SGK3: variants seen among roughly 807,000 people sequenced by gnomAD.
SGK3 encodes serine/threonine-protein kinase Sgk3.
A neutral mutation model predicts 68.5 loss-of-function variants in SGK3; 47 were observed. The observed-to-expected ratio is 0.69, with a 90% CI of 0.54 to 0.87. The LOEUF is 0.87. Ranked by LOEUF, SGK3 falls within the 40% of genes least tolerant of loss-of-function variation. The probability of loss-of-function intolerance (pLI) is 0.00; values close to 1 mark genes in which losing one functional copy is unlikely to be tolerated. For missense variants in SGK3, 479 were observed against 575.5 expected (o/e 0.83, Z 1.72); for synonymous variants, 181 against 189.1 (o/e 0.96, Z 0.35).
Position 66,760,329 on chromosome 8 carries a change from T to TC in SGK3, c.-121-33286dup, listed in dbSNP as rs1223914638. Among the ~76,000 whole-genome samples, 19 of 142,608 alleles carry TC rather than the reference T, an allele frequency of 1.3e-4. No individual in the cohort carries two copies. In the East Asian group the frequency reaches 3.7e-3, roughly 28 times the overall value. The allele number at this position is 142,608 out of a possible 152,430, so 93.6% of individuals were successfully genotyped here. ...GGCTTACTTTGTTCATTTTCTTTTT[T>TC]CTTTTTTTTTTTTTTTTTTTTTTGA... On this transcript the variant is annotated intron_variant, in intron 1 of 16. Transcript: ENST00000521198.
intron 5 of SGK3, among the ~76,000 whole-genome samples, chr8:66,818,127 A>G (rs796148522): frequency 1.3e-5 from 2 of 152,164 alleles, no homozygotes; most frequent in South Asian, 4.1e-4. Context: ...CTAAAACAGC[A>G]AAAGCAAAAA....
chr8:66,853,369 TATG>T (rs1810371731), intron 16 of SGK3, among the ~76,000 whole-genome samples: 1 of 152,212 alleles, frequency 6.6e-6, no homozygotes, highest in African/African-American at 2.4e-5. Context: ...CATAATAACT[TATG>T]ATTGCATCTG....
At chr8:66,795,139 A>G (rs535832662) in intron 2 of SGK3, among the ~76,000 whole-genome samples, 1 of 152,346 alleles carries the variant, frequency 6.6e-6, no homozygotes, top group East Asian at 1.9e-4. Flanking sequence ...TCCCTGTCAC[A>G]GGGCAGTTGA....
chr8:66,858,643 CCCCA>C (rs1405171690), intron 16 of SGK3, among the ~76,000 whole-genome samples: 2 of 152,026 alleles, frequency 1.3e-5, no homozygotes, highest in African/African-American at 2.4e-5. Flanking sequence ...CTGTCTCCTC[CCCCA>C]ACTCAAAAAG....
chr8:66,850,459 A>G (rs1810233256), intron 15 of SGK3, among the ~76,000 whole-genome samples: 1 of 152,228 alleles, frequency 6.6e-6, no homozygotes, highest in Non-Finnish European at 1.5e-5. Context: ...TCCAGTAATA[A>G]CACTAATTCT....
intron 5 of SGK3, among the ~76,000 whole-genome samples, chr8:66,818,359 A>G (rs932673922): frequency 1.1e-4 from 17 of 152,190 alleles, no homozygotes; most frequent in African/African-American, 3.1e-4. Context: ...GAGAAACTAA[A>G]CATTTCCTTG....
intron 6 of SGK3, among the ~76,000 whole-genome samples, chr8:66,828,081 G>A (rs1809138227): frequency 6.6e-6 from 1 of 151,120 alleles, no homozygotes; most frequent in African/African-American, 2.4e-5. Context: ...CCGAGATCAC[G>A]CCACAGCACT....
chr8:66,785,821 C>A (rs1037377817), intron 1 of SGK3, among the ~76,000 whole-genome samples: 3 of 152,208 alleles, frequency 2.0e-5, no homozygotes, highest in Non-Finnish European at 4.4e-5. Flanking sequence ...TCCATTCTAA[C>A]GAACTTAAGC....
At chr8:66,834,138 T>C (rs1007044557) in intron 8 of SGK3, among the ~76,000 whole-genome samples, 2 of 152,256 alleles carry the variant, frequency 1.3e-5, no homozygotes, top group African/African-American at 4.8e-5. Context: ...CAGGAATGTT[T>C]ATAGCATCAT....
At chr8:66,758,459 CTTAG>C (rs935488392) in intron 1 of SGK3, among the ~76,000 whole-genome samples, 19 of 152,054 alleles carry the variant, frequency 1.2e-4, no homozygotes, top group African/African-American at 4.1e-4. Context: ...TAATATCTGG[CTTAG>C]TAAGTGACCA....
At chr8:66,805,697 T>G (rs1044255009) in intron 4 of SGK3, among the ~76,000 whole-genome samples, 1 of 152,080 alleles carries the variant, frequency 6.6e-6, no homozygotes, top group Admixed American at 6.6e-5. Context: ...GAAACAAAAG[T>G]CTTCTTATCC....
At chr8:66,746,438 T>C (rs1235747063) in intron 1 of SGK3, among the ~76,000 whole-genome samples, 1 of 152,104 alleles carries the variant, frequency 6.6e-6, no homozygotes, top group Non-Finnish European at 1.5e-5. Flanking sequence ...GAGCTGGGCA[T>C]GGTAGCTCAC....
At chr8:66,736,117 C>G (rs1049038282) in intron 1 of SGK3, among the ~76,000 whole-genome samples, 1 of 151,980 alleles carries the variant, frequency 6.6e-6, no homozygotes, top group Non-Finnish European at 1.5e-5. Flanking sequence ...GATTATAGGT[C>G]GAATGGTGGT....
At chr8:66,847,146 C>A (rs766589033) in intron 14 of SGK3, 47 bp from the exon 15 acceptor site, 1 of 1,577,526 alleles carries the variant, frequency 6.3e-7, no homozygotes, top group South Asian at 1.2e-5. Context: ...CCCATTTGCG[C>A]ATAATTTGTT....
chr8:66,805,519 CAAA>C (rs566639848), intron 4 of SGK3, among the ~76,000 whole-genome samples: 5 of 67,526 alleles, frequency 7.4e-5, no homozygotes, highest in Admixed American at 1.7e-4. Flanking sequence ...GACTTCATCT[CAAA>C]AAAAAAAAAA....
At chr8:66,848,043 A>G (rs1450871559) in intron 15 of SGK3, among the ~76,000 whole-genome samples, 1 of 152,152 alleles carries the variant, frequency 6.6e-6, no homozygotes, top group Non-Finnish European at 1.5e-5. Context: ...CTGCTTTCTC[A>G]GATATTCTTG....
At chr8:66,722,985 C>T (rs1402560093) in intron 1 of SGK3, among the ~76,000 whole-genome samples, 1 of 150,946 alleles carries the variant, frequency 6.6e-6, no homozygotes, top group Non-Finnish European at 1.5e-5. Flanking sequence ...CAGACTCCAT[C>T]TCCACCATTG....
At chr8:66,759,323 G>A (rs920277946) in intron 1 of SGK3, among the ~76,000 whole-genome samples, 6 of 151,730 alleles carry the variant, frequency 4.0e-5, no homozygotes, top group Admixed American at 6.6e-5. Flanking sequence ...GACCTCACGC[G>A]ATCCGCCCAC....
chr8:66,844,496 A>T (rs1809928357), intron 14 of SGK3, among the ~76,000 whole-genome samples: 1 of 152,258 alleles, frequency 6.6e-6, no homozygotes, highest in Admixed American at 6.5e-5. Context: ...ATATTATTCC[A>T]ACCCAAAGCA....
Sources: allele counts gnomAD v4.1 joint callset (sites outside exome capture counted in the v4.1 genomes callset), GRCh38; gene constraint gnomAD v4.1.1; transcripts MANE v1.5; gene names NCBI Gene and HGNC (gene_info 2026-07-23, HGNC 2026-07-21).